Variants in ERO1A observed in about 807,000 individuals in gnomAD.
ERO1A encodes the protein ERO1-like protein alpha.
ERO1A carries 49 observed loss-of-function variants against 76.9 expected under a neutral mutation model. The ratio of observed to expected loss-of-function variants is 0.64; its 90% CI spans 0.51 to 0.81. ERO1A has a LOEUF of 0.81. Among genes scored for constraint, ERO1A ranks in the 30% least tolerant of loss-of-function variants. The pLI is 0.00. For synonymous variants in ERO1A, 174 were observed against 181.2 expected, an observed-to-expected ratio of 0.96 and a Z score of 0.32; for missense variants, 448 against 542.1, an observed-to-expected ratio of 0.83 and a Z score of 1.72.
Position 52,658,168 on chromosome 14 carries a change from A to G in ERO1A, c.689-18T>C. On this transcript the variant is annotated intron_variant, in intron 9 of 15. Coordinates refer to ENST00000395686, the MANE Select transcript of ERO1A (RefSeq NM_014584.3). The stretch of plus-strand genomic sequence containing the variant: ...AGTGTTCTCTGAAATCAAAAGAAAA[A>G]TAAGTCATAAGAATAGAAAAATGCC... 3.4e-6 allele frequency: 5 copies of G among 1,474,868 alleles called. No individual in the cohort carries two copies. The highest frequency in any genetic ancestry group is 4.5e-5 in the East Asian group (2 of 44,054). The allele number at this position is 1,474,868 out of a possible 1,614,324, so 91.4% of individuals were successfully genotyped here.
chr14:52,678,618 T>C, intron 3 of ERO1A, 146 bp from the exon 4 acceptor site: 1 of 634,132 alleles, frequency 1.6e-6, no homozygotes, highest in South Asian at 2.0e-5. Flanking sequence ...TTCATATGAT[T>C]GCTTAAAAGT....
At chr14:52,647,691 C>CAAG (rs2039718443) in intron 13 of ERO1A, among the ~76,000 whole-genome samples, 1 of 152,042 alleles carries the variant, frequency 6.6e-6, no homozygotes, top group Non-Finnish European at 1.5e-5. Flanking sequence ...GAAGGGAAGC[C>CAAG]AAGAACACAT....
At chr14:52,686,469 C>T (rs145399676) in intron 1 of ERO1A, among the ~76,000 whole-genome samples, 12 of 152,278 alleles carry the variant, frequency 7.9e-5, no homozygotes, top group African/African-American at 2.9e-4. Flanking sequence ...ACAAAGGAAG[C>T]TCTAAGAAGC....
Position 52,653,162 on chromosome 14 carries a change from A to T in ERO1A, c.962T>A (p.Phe321Tyr). 1.2e-6 allele frequency: 2 copies of T among 1,613,636 alleles called. No homozygotes were observed. Among genetic ancestry groups the T allele is most frequent in the Non-Finnish European group, 1.7e-6 (2 of 1,179,708 alleles). Reference protein sequence around the residue: ...ELRALSKVLPFFERPDFQLFT... With the variant: ...ELRALSKVLPYFERPDFQLFT... ...GAGTTGAAAATCTGGGCGCTCGAAG[A>T]ATGGTAACACTTTGGATAAAGCCCT... The change falls in exon 12 of 16, where the codon TTC becomes TAC. Residue 321 changes from phenylalanine (F) to tyrosine (Y), a missense_variant. Coordinates refer to ENST00000395686, the MANE Select transcript of ERO1A (RefSeq NM_014584.3).
At position 52,675,356 on chromosome 14, in the gene ERO1A, C is replaced by G. The variant is rs568312090; in HGVS notation, c.357+3078G>C. Reference sequence around the variant, plus strand: ...CAAGATCGCGCCATTGCACTCCAGACTGTGGACAACAAGAGCAAAACTCCG... The same window carrying G: ...CAAGATCGCGCCATTGCACTCCAGAGTGTGGACAACAAGAGCAAAACTCCG... On this transcript the variant is annotated intron_variant, in intron 4 of 15. Transcript: ENST00000395686. Among the ~76,000 whole-genome samples the G allele has an allele frequency of 1.3e-4, 19 of 150,876 alleles. No homozygotes were observed. In the South Asian group the frequency reaches 3.6e-3, roughly 28 times the overall value.
chr14:52,683,661 T>C lies in ERO1A; in HGVS notation c.234+127A>G, dbSNP rs183780403. ...AATCACATGCTTCACTCTTATGAAC[T>C]GAATTTTCTTAATAAAGCCTATATC... is the stretch of plus-strand genomic sequence containing the variant. On this transcript the variant is annotated intron_variant, in intron 2 of 15. Coordinates refer to ENST00000395686, the MANE Select transcript of ERO1A (RefSeq NM_014584.3). 75 of 453,958 alleles carry C rather than the reference T, an allele frequency of 1.7e-4. No homozygotes were observed. In the Middle Eastern group the frequency reaches 1.8e-3, roughly 11 times the overall value. 28.1% of individuals were successfully genotyped at this position (453,958 alleles called of 1,614,324 possible). A position where few individuals can be genotyped will look rare whatever the true frequency, so the allele number is the denominator to read the frequency against.
At chr14:52,687,238 C>A (rs1434947289) in intron 1 of ERO1A, among the ~76,000 whole-genome samples, 1 of 152,076 alleles carries the variant, frequency 6.6e-6, no homozygotes, top group African/African-American at 2.4e-5. Flanking sequence ...TCAGCCTGAG[C>A]AACATGGTAA....
At chr14:52,686,970 G>A (rs1408955841) in intron 1 of ERO1A, among the ~76,000 whole-genome samples, 6 of 152,266 alleles carry the variant, frequency 3.9e-5, no homozygotes, top group African/African-American at 1.2e-4. Flanking sequence ...GGAGTATAAG[G>A]GTGGCAGGAG....
intron 1 of ERO1A, among the ~76,000 whole-genome samples, chr14:52,692,392 C>A (rs2041382584): frequency 1.3e-5 from 2 of 152,092 alleles, no homozygotes. Flanking sequence ...ATAAGCCAGG[C>A]ACCATGCAGC....
Position 52,661,318 on chromosome 14 carries a change from C to CA in ERO1A, c.677-15dup. On this transcript the variant is annotated splice_polypyrimidine_tract_variant and intron_variant, in intron 8 of 15. Coordinates refer to ENST00000395686, the MANE Select transcript of ERO1A (RefSeq NM_014584.3). ...CTTCACTTGTCCCTGAAAAGCAAAACAAAATGTTTATTAAAATAAATTCCT... is the reference window on the plus strand; with the variant it reads ...CTTCACTTGTCCCTGAAAAGCAAAACAAAAATGTTTATTAAAATAAATTCCT... 3 of 1,397,250 alleles carry CA rather than the reference C, an allele frequency of 2.1e-6. No homozygotes were observed. Among genetic ancestry groups the CA allele is most frequent in the South Asian group, 1.7e-5 (1 of 60,260 alleles). The allele number at this position is 1,397,250 out of a possible 1,614,324, so 86.6% of individuals were successfully genotyped here.
chr14:52,645,610 A>G (rs778935904), intron 15 of ERO1A, among the ~76,000 whole-genome samples: 1 of 152,084 alleles, frequency 6.6e-6, no homozygotes, highest in African/African-American at 2.4e-5. Flanking sequence ...ATAAAAGTCA[A>G]TAGAGGAAAA....
intron 4 of ERO1A, among the ~76,000 whole-genome samples, chr14:52,673,265 A>AT (rs987022153): frequency 2.0e-5 from 3 of 151,700 alleles, no homozygotes; most frequent in East Asian, 1.9e-4. Flanking sequence ...AATTTTTTAA[A>AT]TTTTTTTAGA....
intron 3 of ERO1A, among the ~76,000 whole-genome samples, chr14:52,680,505 T>C (rs12895181): frequency 0.43 from 65,593 of 152,062 alleles, 15,045 homozygotes; most frequent in Middle Eastern, 0.55. Flanking sequence ...GCAATAACTG[T>C]AAAGTATTTG....
chr14:52,653,380 G>A (rs530524268), intron 11 of ERO1A, 65 bp from the exon 12 acceptor site: 3 of 1,277,300 alleles, frequency 2.3e-6, no homozygotes, highest in South Asian at 3.1e-5. Flanking sequence ...AATTATATTA[G>A]GTTATTCATG....
At position 52,640,220 on chromosome 14, in the gene ERO1A, G is replaced by C. The variant is rs1274961591; in HGVS notation, c.*3350C>G. The C allele has an allele frequency of 6.6e-6, 1 of 152,132 alleles. No individual in the cohort carries two copies. The highest frequency in any genetic ancestry group is 2.4e-5 in the African/African-American group (1 of 41,442). The allele number at this position is 152,132 out of a possible 1,614,324, so 9.4% of individuals were successfully genotyped here. A position where few individuals can be genotyped will look rare whatever the true frequency, so the allele number is the denominator to read the frequency against. ...AGTACGATTTAAGTGACATACAATAGAGGTAGGTTGTAATTACAGTGGTGA... is the reference window on the plus strand; with the variant it reads ...AGTACGATTTAAGTGACATACAATACAGGTAGGTTGTAATTACAGTGGTGA... On this transcript the variant is annotated 3_prime_UTR_variant, in exon 16 of 16. Transcript: ENST00000395686.
At chr14:52,685,593 T>A (rs1487710158) in intron 1 of ERO1A, among the ~76,000 whole-genome samples, 2 of 152,164 alleles carry the variant, frequency 1.3e-5, no homozygotes, top group Admixed American at 6.5e-5. Context: ...AAGGGACATA[T>A]GCAAAGTAGA....
At chr14:52,659,758 G>A (rs919372950) in intron 9 of ERO1A, among the ~76,000 whole-genome samples, 1 of 150,456 alleles carries the variant, frequency 6.6e-6, no homozygotes, top group African/African-American at 2.5e-5. Context: ...GGATAATACT[G>A]CTTAGGACCT....
chr14:52,680,082 C>CAAAAAAAAAAAAAAAAAAACAAAAA (rs2040938992), intron 3 of ERO1A, among the ~76,000 whole-genome samples: 2 of 90,932 alleles, frequency 2.2e-5, no homozygotes, highest in Non-Finnish European at 4.4e-5. Context: ...AAAACACAAA[C>CAAAAAAAAAAAAAAAAAAACAAAAA]AAAAAAAAAA....
At chr14:52,688,535 T>G (rs2041252580) in intron 1 of ERO1A, among the ~76,000 whole-genome samples, 1 of 152,226 alleles carries the variant, frequency 6.6e-6, no homozygotes, top group East Asian at 1.9e-4. Flanking sequence ...TCATTATTAT[T>G]ACCCTACTTC....
Sources: gnomAD v4.1 joint callset for allele counts (sites outside exome capture counted in the v4.1 genomes callset) on GRCh38, gnomAD v4.1.1 for gene constraint, MANE v1.5 for transcripts, NCBI Gene and HGNC (gene_info 2026-07-23, HGNC 2026-07-21) for gene names.